CTTNBP2NL: variants seen among roughly 807,000 people sequenced by gnomAD.
The protein encoded by CTTNBP2NL is CTTNBP2 N-terminal like, also known as CTTNBP2 N-terminal-like protein.
Under a neutral mutation model 32.5 loss-of-function variants are expected in CTTNBP2NL, and 16 were observed. The observed-to-expected ratio is 0.49, with a 90% CI of 0.33 to 0.75. CTTNBP2NL has a LOEUF of 0.75. Among genes scored for constraint, CTTNBP2NL ranks in the 30% least tolerant of loss-of-function variants. The pLI, the probability that CTTNBP2NL is intolerant of heterozygous loss-of-function variation, is 0.02. For missense variants in CTTNBP2NL, 645 were observed against 756.0 expected (o/e 0.85, Z 1.72); for synonymous variants, 298 against 289.4 (o/e 1.03, Z -0.30).
chr1:112,427,845 G>A (rs933284993), intron 3 of CTTNBP2NL, among the ~76,000 whole-genome samples: 6 of 149,396 alleles, frequency 4.0e-5, no homozygotes, highest in Non-Finnish European at 7.4e-5. Flanking sequence ...GCAGTGAGCC[G>A]AGATCGCGCC....
At chr1:112,425,713 A>G (rs1045519774) in intron 3 of CTTNBP2NL, among the ~76,000 whole-genome samples, 4 of 151,534 alleles carry the variant, frequency 2.6e-5, no homozygotes, top group Non-Finnish European at 4.4e-5. Flanking sequence ...AAAAAAAAAA[A>G]TTAGCTGGGT....
At chr1:112,422,375 G>A (rs1480326223) in intron 3 of CTTNBP2NL, among the ~76,000 whole-genome samples, 1 of 152,054 alleles carries the variant, frequency 6.6e-6, no homozygotes, top group Non-Finnish European at 1.5e-5. Flanking sequence ...CCACGGTTTT[G>A]TTTTATCCAC....
intron 3 of CTTNBP2NL, among the ~76,000 whole-genome samples, chr1:112,420,603 G>C (rs1649199233): frequency 6.6e-6 from 1 of 152,046 alleles, no homozygotes; most frequent in African/African-American, 2.4e-5. Context: ...TGAGTAACTG[G>C]GACTACAGGG....
intron 3 of CTTNBP2NL, among the ~76,000 whole-genome samples, chr1:112,416,733 C>T (rs564366450): frequency 3.3e-5 from 5 of 152,140 alleles, no homozygotes; most frequent in South Asian, 2.1e-4. Context: ...CCTGGTGATC[C>T]GCCCCCGCTT....
In CTTNBP2NL at chr1:112,448,931, C is replaced by T. The variant is rs1457150726; in HGVS notation, c.100-11C>T. On this transcript the variant is annotated splice_polypyrimidine_tract_variant and intron_variant, in intron 3 of 5. Coordinates refer to ENST00000271277, the MANE Select transcript of CTTNBP2NL (RefSeq NM_018704.3). ...AAAAGCAAGATGCTTATTTTTTTTC[C>T]TCTTTCCCAGGCCCAACACAGAGAT... The T allele has an allele frequency of 1.6e-5, 25 of 1,530,000 alleles. No homozygotes were observed. Among genetic ancestry groups the T allele is most frequent in the Admixed American group, 1.1e-4 (6 of 56,558 alleles). 94.8% of individuals were successfully genotyped at this position (1,530,000 alleles called of 1,614,324 possible).
intron 1 of CTTNBP2NL, among the ~76,000 whole-genome samples, chr1:112,408,129 G>C (rs1049095101): frequency 6.6e-6 from 1 of 151,006 alleles, no homozygotes; most frequent in Non-Finnish European, 1.5e-5. Context: ...TTACAGGTGT[G>C]AGCCACGCCC....
chr1:112,446,250 C>G (rs1018814517), intron 3 of CTTNBP2NL, among the ~76,000 whole-genome samples: 8 of 151,206 alleles, frequency 5.3e-5, no homozygotes, highest in Non-Finnish European at 1.2e-4. Flanking sequence ...CCTTTAGTCC[C>G]AGCTACTCAA....
intron 3 of CTTNBP2NL, among the ~76,000 whole-genome samples, chr1:112,434,474 T>C (rs1450251393): frequency 1.3e-5 from 2 of 152,160 alleles, no homozygotes; most frequent in Admixed American, 1.3e-4. Flanking sequence ...ATGTGGTTTT[T>C]CTCTCCCTCT....
At chr1:112,434,264 G>C (rs558250419) in intron 3 of CTTNBP2NL, among the ~76,000 whole-genome samples, 1 of 151,984 alleles carries the variant, frequency 6.6e-6, no homozygotes, top group African/African-American at 2.4e-5. Flanking sequence ...TTTGACTTGT[G>C]CACCTAAATA....
At chr1:112,409,045 T>C (rs915875384) in intron 1 of CTTNBP2NL, among the ~76,000 whole-genome samples, 1 of 148,868 alleles carries the variant, frequency 6.7e-6, no homozygotes, top group South Asian at 2.1e-4. Context: ...GGAGAATTGC[T>C]TAAACTGCGG....
At chr1:112,433,219 T>G (rs1649620989) in intron 3 of CTTNBP2NL, among the ~76,000 whole-genome samples, 1 of 152,144 alleles carries the variant, frequency 6.6e-6, no homozygotes, top group African/African-American at 2.4e-5. Context: ...TCCTAAAGGG[T>G]AGAAGCCAAA....
chr1:112,416,740 G>A (rs192273080), intron 3 of CTTNBP2NL, among the ~76,000 whole-genome samples: 10 of 152,006 alleles, frequency 6.6e-5, no homozygotes, highest in Middle Eastern at 6.8e-3. Flanking sequence ...ATCCGCCCCC[G>A]CTTAGCCTCC....
intron 1 of CTTNBP2NL, among the ~76,000 whole-genome samples, chr1:112,403,692 G>T (rs1648572884): frequency 6.6e-6 from 1 of 152,202 alleles, no homozygotes; most frequent in Non-Finnish European, 1.5e-5. Context: ...GGAAGCAAAG[G>T]TATGCGTTTA....
intron 1 of CTTNBP2NL, among the ~76,000 whole-genome samples, chr1:112,408,627 G>A (rs1170379782): frequency 6.6e-6 from 1 of 151,920 alleles, no homozygotes; most frequent in African/African-American, 2.4e-5. Context: ...AAATAGCAGT[G>A]CATTTCTGTT....
chr1:112,399,529 T>C (rs2100988685), intron 1 of CTTNBP2NL, among the ~76,000 whole-genome samples: 1 of 152,264 alleles, frequency 6.6e-6, no homozygotes, highest in South Asian at 2.1e-4. Context: ...ACAATCAGTC[T>C]TCTCTGGATT....
chr1:112,438,272 T>G (rs1051637241), intron 3 of CTTNBP2NL, among the ~76,000 whole-genome samples: 3 of 152,188 alleles, frequency 2.0e-5, no homozygotes, highest in African/African-American at 7.2e-5. Flanking sequence ...CCCTGGTTAG[T>G]TGTATTCCTA....
At chr1:112,404,576 TAATC>T (rs1475626329) in intron 1 of CTTNBP2NL, among the ~76,000 whole-genome samples, 10 of 152,144 alleles carry the variant, frequency 6.6e-5, no homozygotes, top group Non-Finnish European at 7.4e-5. Flanking sequence ...TTACTGAAAA[TAATC>T]AATCTACATG....
chr1:112,407,836 CTTTCTTTTTT>C (rs1243851148), intron 1 of CTTNBP2NL, among the ~76,000 whole-genome samples: 2 of 108,206 alleles, frequency 1.8e-5, no homozygotes, highest in Non-Finnish European at 3.9e-5. Context: ...TTTCTTTTTT[CTTTCTTTTTT>C]TTTTTTTTTT....
chr1:112,420,801 A>T (rs1649206197), intron 3 of CTTNBP2NL, among the ~76,000 whole-genome samples: 1 of 152,130 alleles, frequency 6.6e-6, no homozygotes, highest in Admixed American at 6.5e-5. Context: ...TTATACATGG[A>T]TTCCTGATTT....
Sources: gnomAD v4.1 joint callset for allele counts (sites outside exome capture counted in the v4.1 genomes callset) on GRCh38, gnomAD v4.1.1 for gene constraint, MANE v1.5 for transcripts, NCBI Gene and HGNC (gene_info 2026-07-23, HGNC 2026-07-21) for gene names.